The following LRP2BP variants were observed in gnomAD, a reference collection of about 807,000 sequenced individuals.
LRP2BP encodes LRP2 binding protein.
In LRP2BP, 38 loss-of-function variants were observed where a neutral mutation model predicts 45.2. That is an observed-to-expected ratio of 0.84 (90% CI 0.65 to 1.10). LRP2BP has a LOEUF of 1.10. Among genes scored for constraint, LRP2BP ranks in the 50% least tolerant of loss-of-function variants. The probability of loss-of-function intolerance (pLI) is 0.00; values close to 1 mark genes in which losing one functional copy is unlikely to be tolerated. For missense variants in LRP2BP, 385 were observed against 418.9 expected, an observed-to-expected ratio of 0.92 and a Z score of 0.71; for synonymous variants, 153 against 153.9, an observed-to-expected ratio of 0.99 and a Z score of 0.04.
chr4:185,372,306 A>C (rs2095418700), intron 7 of LRP2BP, among the ~76,000 whole-genome samples: 1 of 152,244 alleles, frequency 6.6e-6, no homozygotes, highest in Non-Finnish European at 1.5e-5. Flanking sequence ...TTCAGCTAGT[A>C]GCACTGAAAT....
At chr4:185,387,476 C>A (rs549555797) in intron 1 of LRP2BP, among the ~76,000 whole-genome samples, 1 of 152,316 alleles carries the variant, frequency 6.6e-6, no homozygotes, top group South Asian at 2.1e-4. Flanking sequence ...ACACTGTTCA[C>A]ACAAAATGGA....
intron 7 of LRP2BP, 66 bp from the exon 8 acceptor site, chr4:185,370,880 C>T (rs377158615): frequency 6.0e-4 from 911 of 1,508,894 alleles, no homozygotes; most frequent in Non-Finnish European, 7.8e-4. Context: ...TAAAACGATG[C>T]GCCTAGAGAC....
chr4:185,395,627 A>C lies in LRP2BP; in HGVS notation c.-870T>G, dbSNP rs115315354. 2.6e-3 allele frequency: 2,539 copies of C among 982,676 alleles called. 50 individuals carry two copies. The African/African-American group carries it at 0.042, about 16-fold the overall frequency. 60.9% of individuals were successfully genotyped at this position (982,676 alleles called of 1,614,324 possible). A position where few individuals can be genotyped will look rare whatever the true frequency, so the allele number is the denominator to read the frequency against. ...AACACACATTTATATTCAAATATTC[A>C]TATGAATAAAAATGCTTAAAACTAC... On this transcript the variant is annotated 5_prime_UTR_variant, in exon 1 of 9. The change abolishes an upstream ATG in the 5' untranslated region. Coordinates refer to ENST00000505916, the MANE Select transcript of LRP2BP (RefSeq NM_001377440.1).
chr4:185,385,256 C>T (rs572773698), intron 1 of LRP2BP, among the ~76,000 whole-genome samples: 582 of 152,226 alleles, frequency 3.8e-3, no homozygotes, highest in Middle Eastern at 0.01. Context: ...TTACAGCTGC[C>T]GGGTCTTCTC....
At chr4:185,397,144 C>G, upstream of LRP2BP, 1 of 1,613,238 alleles carries the variant, frequency 6.2e-7, no homozygotes, top group Non-Finnish European at 8.5e-7. Flanking sequence ...TGTTCTCTTC[C>G]TGCAGGTGGA....
At chr4:185,367,456 AAG>A (rs1377730748) in intron 8 of LRP2BP, among the ~76,000 whole-genome samples, 1 of 152,196 alleles carries the variant, frequency 6.6e-6, no homozygotes, top group Non-Finnish European at 1.5e-5. Flanking sequence ...TCTCATTTGA[AAG>A]AGATATTTTA....
chr4:185,388,424 T>TA (rs2095477919), intron 1 of LRP2BP, among the ~76,000 whole-genome samples: 1 of 13,712 alleles, frequency 7.3e-5, no homozygotes, highest in African/African-American at 2.0e-4. Flanking sequence ...TTCCTTTTCC[T>TA]TTTACTATCT....
At chr4:185,371,540 TAAAAAAAAAAAA>T (rs11288148) in intron 7 of LRP2BP, among the ~76,000 whole-genome samples, 1 of 78,302 alleles carries the variant, frequency 1.3e-5, no homozygotes, top group African/African-American at 4.8e-5. Flanking sequence ...AGACTCCGTC[TAAAAAAAAAAAA>T]AAAAAAAAAA....
chr4:185,378,223 AAAAAT>A lies in LRP2BP; in HGVS notation c.-21-21_-21-17del. On this transcript the variant is annotated splice_polypyrimidine_tract_variant and intron_variant, in intron 1 of 8. Coordinates refer to ENST00000505916, the MANE Select transcript of LRP2BP (RefSeq NM_001377440.1). ...AATGTGTATTCTATAAGCAAGAAGA[AAAAAT>A]AAGTGGTAGAAATTTCTTCCTCCAG... is the stretch of plus-strand genomic sequence containing the variant. 1 of 1,604,010 alleles carries A rather than the reference AAAAAT, an allele frequency of 6.2e-7. No individual in the cohort carries two copies. Among genetic ancestry groups the A allele is most frequent in the Non-Finnish European group, 8.5e-7 (1 of 1,177,458 alleles).
In LRP2BP at chr4:185,374,475, A is replaced by G; in HGVS notation, c.331-14T>C. 2 of 1,605,026 alleles carry G rather than the reference A, an allele frequency of 1.2e-6. No individual in the cohort carries two copies. The highest frequency in any genetic ancestry group is 1.7e-6 in the Non-Finnish European group (2 of 1,178,018). Reference sequence around the variant, plus strand: ...CACCCCTTTCTCCTTCGACAAAAGAAAGAGCAAAAAAACCCTAGTTTTTAG... The same window carrying G: ...CACCCCTTTCTCCTTCGACAAAAGAGAGAGCAAAAAAACCCTAGTTTTTAG... On this transcript the variant is annotated splice_polypyrimidine_tract_variant and intron_variant, in intron 4 of 8. Coordinates refer to ENST00000505916, the MANE Select transcript of LRP2BP (RefSeq NM_001377440.1).
At chr4:185,385,186 C>T (rs1403354618) in intron 1 of LRP2BP, among the ~76,000 whole-genome samples, 4 of 152,118 alleles carry the variant, frequency 2.6e-5, no homozygotes, top group African/African-American at 4.8e-5. Flanking sequence ...ATCTTCCCGC[C>T]GTTTGTGTGG....
At chr4:185,377,232 T>C (rs1044759689) in intron 2 of LRP2BP, 49 of 505,144 alleles carry the variant, frequency 9.7e-5, no homozygotes, top group Non-Finnish European at 1.5e-4. Context: ...AATAAAGCAA[T>C]ACTGGCCGGG....
In LRP2BP at chr4:185,368,546, G is replaced by T. The variant is rs76292201; in HGVS notation, c.979-1301C>A. 6.7e-3 allele frequency among the ~76,000 whole-genome samples: 1,017 copies of T among 152,274 alleles called. 10 individuals are homozygous for T. The highest frequency in any genetic ancestry group is 0.013 in the South Asian group (64 of 4,830). On this transcript the variant is annotated intron_variant, in intron 8 of 8. Transcript: ENST00000505916. ...CTGTCGGGACACCTTGTGTCCTTTTGCTCTGAGGGAGACCATTTCTGTTCC... is the reference window on the plus strand; with the variant it reads ...CTGTCGGGACACCTTGTGTCCTTTTTCTCTGAGGGAGACCATTTCTGTTCC...
chr4:185,395,456 A>ATT lies in LRP2BP; in HGVS notation c.-700_-699insAA. 1.0e-6 allele frequency: 1 copy of ATT among 985,402 alleles called. No homozygotes were observed. Among genetic ancestry groups the ATT allele is most frequent in the Non-Finnish European group, 1.2e-6 (1 of 829,874 alleles). The allele number at this position is 985,402 out of a possible 1,614,324, so 61.0% of individuals were successfully genotyped here. Reference sequence around the variant, plus strand: ...AGTGCTTATTGAATTGATAAACAAAAGCGAAACTGGCAATATCAACGTGTG... The same window carrying ATT: ...AGTGCTTATTGAATTGATAAACAAAATTGCGAAACTGGCAATATCAACGTGTG... On this transcript the variant is annotated 5_prime_UTR_variant, in exon 1 of 9. Transcript: ENST00000505916.
intron 4 of LRP2BP, among the ~76,000 whole-genome samples, 173 bp from the exon 5 acceptor site, chr4:185,374,634 A>C (rs2095427116): frequency 6.6e-6 from 1 of 152,200 alleles, no homozygotes; most frequent in African/African-American, 2.4e-5. Flanking sequence ...GATAAGGAGG[A>C]AAAGAATCTC....
chr4:185,368,528 G>GAC (rs1236059352), intron 8 of LRP2BP, among the ~76,000 whole-genome samples: 1 of 152,156 alleles, frequency 6.6e-6, no homozygotes, highest in East Asian at 1.9e-4. Flanking sequence ...CCGCTGTCGG[G>GAC]ACACCTTGTG....
chr4:185,370,898 G>T, intron 7 of LRP2BP, 84 bp from the exon 8 acceptor site: 1 of 1,411,172 alleles, frequency 7.1e-7, no homozygotes, highest in Non-Finnish European at 9.9e-7. Context: ...GACTGTCCTT[G>T]TGCCTGAAGT....
Position 185,395,901 on chromosome 4 carries a change from T to C in LRP2BP, c.-1144A>G, listed in dbSNP as rs1036038879. 1 of 985,434 alleles carries C rather than the reference T, an allele frequency of 1.0e-6. No individual in the cohort carries two copies. The highest frequency in any genetic ancestry group is 4.7e-5 in the South Asian group (1 of 21,288). The allele number at this position is 985,434 out of a possible 1,614,324, so 61.0% of individuals were successfully genotyped here. On this transcript the variant is annotated 5_prime_UTR_variant, in exon 1 of 9. Transcript: ENST00000505916. Reference sequence around the variant, plus strand: ...GCTTTGGTTTCTAAGCAGATCCTTCTGGAAAGACGCTTAGGGAGAGTCTAG... The same window carrying C: ...GCTTTGGTTTCTAAGCAGATCCTTCCGGAAAGACGCTTAGGGAGAGTCTAG...
chr4:185,395,684 T>C lies in LRP2BP; in HGVS notation c.-927A>G. 16 of 985,296 alleles carry C rather than the reference T, an allele frequency of 1.6e-5. No homozygotes were observed. Among genetic ancestry groups the C allele is most frequent in the Non-Finnish European group, 1.9e-5 (16 of 829,798 alleles). The allele number at this position is 985,296 out of a possible 1,614,324, so 61.0% of individuals were successfully genotyped here. Reference sequence around the variant, plus strand: ...GGTAACTAAGTATAACAACATAAACTTGCGATTGCAAATTTTATGGCTCTT... The same window carrying C: ...GGTAACTAAGTATAACAACATAAACCTGCGATTGCAAATTTTATGGCTCTT... On this transcript the variant is annotated 5_prime_UTR_variant, in exon 1 of 9. Coordinates refer to ENST00000505916, the MANE Select transcript of LRP2BP (RefSeq NM_001377440.1).
Sources: allele counts gnomAD v4.1 joint callset (sites outside exome capture counted in the v4.1 genomes callset), GRCh38; gene constraint gnomAD v4.1.1; transcripts MANE v1.5; gene names NCBI Gene and HGNC (gene_info 2026-07-23, HGNC 2026-07-21).